Variants in GPHN observed in about 807,000 individuals in gnomAD.
The protein encoded by GPHN is gephyrin.
A neutral mutation model predicts 95.5 loss-of-function variants in GPHN; 17 were observed. The ratio of observed to expected loss-of-function variants is 0.18; its 90% CI spans 0.12 to 0.27. GPHN has a LOEUF of 0.27. Ranked by LOEUF, GPHN falls within the 10% of genes least tolerant of loss-of-function variation. GPHN has a pLI of 1.00. For synonymous variants in GPHN, 320 were observed against 322.5 expected, an observed-to-expected ratio of 0.99 and a Z score of 0.08; for missense variants, 660 against 978.1, an observed-to-expected ratio of 0.67 and a Z score of 4.34.
chr14:66,794,049 T>G (rs1390025731), intron 3 of GPHN, among the ~76,000 whole-genome samples: 1 of 152,212 alleles, frequency 6.6e-6, no homozygotes, highest in Non-Finnish European at 1.5e-5. Flanking sequence ...AGACATATTG[T>G]GTATTCAGAG....
At chr14:66,600,646 A>G (rs890001326) in intron 1 of GPHN, among the ~76,000 whole-genome samples, 1 of 152,108 alleles carries the variant, frequency 6.6e-6, no homozygotes, top group Non-Finnish European at 1.5e-5. Flanking sequence ...TGTAACACAC[A>G]TATTTTCTCC....
the GPHN span, among the ~76,000 whole-genome samples, chr14:67,461,973 T>C: frequency 6.6e-6 from 1 of 152,254 alleles, no homozygotes; most frequent in African/African-American, 2.4e-5. Flanking sequence ...AAGTTGTCCC[T>C]GGAGCTGCCC....
intron 4 of GPHN, among the ~76,000 whole-genome samples, chr14:66,838,899 TG>T (rs1341744214): frequency 6.6e-6 from 1 of 152,182 alleles, no homozygotes; most frequent in African/African-American, 2.4e-5. Context: ...GCAGAATATT[TG>T]TAACTTTGTT....
At chr14:66,889,927 A>G (rs569566236) in intron 5 of GPHN, among the ~76,000 whole-genome samples, 3 of 152,280 alleles carry the variant, frequency 2.0e-5, no homozygotes, top group Admixed American at 6.5e-5. Flanking sequence ...ATGAAAATGG[A>G]GTCATTAGTA....
intron 1 of GPHN, among the ~76,000 whole-genome samples, chr14:66,567,106 T>TG (rs2060492000): frequency 6.6e-6 from 1 of 152,140 alleles, no homozygotes; most frequent in African/African-American, 2.4e-5. Context: ...AACATATTTT[T>TG]GGGGCATGGA....
chr14:67,358,715 TAAATAA>T, the GPHN span, among the ~76,000 whole-genome samples: 1 of 151,854 alleles, frequency 6.6e-6, no homozygotes, highest in South Asian at 2.1e-4. Context: ...AACAACAAAC[TAAATAA>T]AAATAAACAG....
the GPHN span, chr14:67,724,645 A>G: frequency 7.6e-7 from 1 of 1,311,172 alleles, no homozygotes; most frequent in Non-Finnish European, 1.1e-6. Context: ...CCTTCTTCCC[A>G]CTGGGGCCTC....
At chr14:67,193,578 T>G in the GPHN span, among the ~76,000 whole-genome samples, 1 of 145,118 alleles carries the variant, frequency 6.9e-6, no homozygotes, top group Non-Finnish European at 1.5e-5. Context: ...TATAGATCTA[T>G]ATATAGATAT....
chr14:67,735,345 C>T, the GPHN span: 1 of 765,788 alleles, frequency 1.3e-6, no homozygotes, highest in East Asian at 2.5e-5. Context: ...ATCTAGTCTG[C>T]TCAGCCTGGG....
chr14:67,445,471 A>C, the GPHN span, among the ~76,000 whole-genome samples: 8 of 152,050 alleles, frequency 5.3e-5, no homozygotes, highest in African/African-American at 1.9e-4. Context: ...ATTTGGTGTC[A>C]GTAAAAAAGC....
At chr14:66,574,346 T>C (rs1300652253) in intron 1 of GPHN, among the ~76,000 whole-genome samples, 1 of 152,230 alleles carries the variant, frequency 6.6e-6, no homozygotes, top group African/African-American at 2.4e-5. Flanking sequence ...CTTTTATATA[T>C]TGTGTATCCA....
the GPHN span, among the ~76,000 whole-genome samples, chr14:67,636,182 C>G: frequency 1.3e-5 from 2 of 152,176 alleles, no homozygotes; most frequent in African/African-American, 4.8e-5. Flanking sequence ...ACTTTGAAAC[C>G]CATCTCTCTT....
At chr14:66,569,555 C>T (rs2060595020) in intron 1 of GPHN, among the ~76,000 whole-genome samples, 3 of 151,696 alleles carry the variant, frequency 2.0e-5, no homozygotes. Flanking sequence ...CCCAGCTACT[C>T]AGGAGGCTGA....
the GPHN span, chr14:67,397,853 G>A: frequency 2.5e-6 from 4 of 1,586,320 alleles, no homozygotes; most frequent in Admixed American, 1.7e-5. Flanking sequence ...AAGCCCTGAG[G>A]TGAGGCGGTC....
the GPHN span, among the ~76,000 whole-genome samples, chr14:67,711,985 T>C: frequency 1.3e-5 from 2 of 152,160 alleles, no homozygotes; most frequent in Non-Finnish European, 2.9e-5. Flanking sequence ...AATGGTGCGA[T>C]CTAGGCTCAC....
At chr14:66,878,867 A>G (rs935050154) in intron 4 of GPHN, among the ~76,000 whole-genome samples, 4 of 152,178 alleles carry the variant, frequency 2.6e-5, no homozygotes, top group African/African-American at 9.6e-5. Flanking sequence ...GTATATACCC[A>G]AAATATTATA....
intron 10 of GPHN, among the ~76,000 whole-genome samples, chr14:67,038,580 T>C (rs1198594894): frequency 6.6e-6 from 1 of 152,160 alleles, no homozygotes; most frequent in East Asian, 1.9e-4. Flanking sequence ...ATGTTACCAT[T>C]CTATGTGTAA....
chr14:67,637,121 G>A, the GPHN span, among the ~76,000 whole-genome samples: 1 of 152,104 alleles, frequency 6.6e-6, no homozygotes, highest in Non-Finnish European at 1.5e-5. Context: ...TAAAGAAATA[G>A]CTTTAAGGCT....
the GPHN span, chr14:67,279,574 CTTTAA>C: frequency 4.7e-5 from 71 of 1,495,000 alleles, no homozygotes; most frequent in Non-Finnish European, 5.8e-5. Context: ...AAACATTTTG[CTTTAA>C]TTTATCTGTG....
Sources: allele counts gnomAD v4.1 joint callset (sites outside exome capture counted in the v4.1 genomes callset), GRCh38; gene constraint gnomAD v4.1.1; transcripts MANE v1.5; gene names NCBI Gene and HGNC (gene_info 2026-07-23, HGNC 2026-07-21).